Variants in ZRANB1 observed in about 807,000 individuals in gnomAD.
The protein encoded by ZRANB1 is zinc finger RANBP2-type containing 1, also known as ubiquitin thioesterase ZRANB1.
In ZRANB1, 16 loss-of-function variants were observed where a neutral mutation model predicts 80.5. The observed-to-expected ratio is 0.20, with a 90% confidence interval of 0.13 to 0.30. ZRANB1 has a LOEUF of 0.30. Among genes scored for constraint, ZRANB1 ranks in the 10% least tolerant of loss-of-function variants. The pLI is 1.00. For synonymous variants in ZRANB1, 291 were observed against 293.1 expected, an observed-to-expected ratio of 0.99 and a Z score of 0.07; for missense variants, 576 against 862.6, an observed-to-expected ratio of 0.67 and a Z score of 4.16.
intron 1 of ZRANB1, among the ~76,000 whole-genome samples, chr10:124,949,371 A>T (rs942599174): frequency 1.3e-5 from 2 of 150,770 alleles, no homozygotes; most frequent in Non-Finnish European, 2.9e-5. Flanking sequence ...GGGGGAAAAA[A>T]ATCAAACTTA....
Position 124,986,986 on chromosome 10 carries a change from A to AATC in ZRANB1, c.*1996_*1998dup, listed in dbSNP as rs1469339312. 2 of 150,308 alleles carry AATC rather than the reference A, an allele frequency of 1.3e-5. No individual in the cohort carries two copies. Among genetic ancestry groups the AATC allele is most frequent in the African/African-American group, 5.1e-5 (2 of 39,368 alleles). The allele number at this position is 150,308 out of a possible 1,614,324, so 9.3% of individuals were successfully genotyped here. On this transcript the variant is annotated 3_prime_UTR_variant, in exon 9 of 9. Coordinates refer to ENST00000359653, the MANE Select transcript of ZRANB1 (RefSeq NM_017580.3). ...CTCTATTATTTATTTATTTATTATCAATCAGTGACCCTGACCACATAGTGT... is the reference window on the plus strand; with the variant it reads ...CTCTATTATTTATTTATTTATTATCAATCATCAGTGACCCTGACCACATAGTGT...
the ZRANB1 span, among the ~76,000 whole-genome samples, chr10:124,917,581 A>G: frequency 6.6e-6 from 1 of 151,902 alleles, no homozygotes; most frequent in African/African-American, 2.4e-5. Context: ...TTTCCCCACA[A>G]CTTCTTTTCC....
the ZRANB1 span, among the ~76,000 whole-genome samples, chr10:124,929,629 C>T: frequency 5.3e-5 from 8 of 151,534 alleles, no homozygotes; most frequent in East Asian, 8.0e-4. Context: ...TGAGCCACCG[C>T]GCCTGGCCAA....
rs558360621 is a variant in ZRANB1, at chr10:124,985,952, G to C, written c.*960G>C. Reference sequence around the variant, plus strand: ...TGTTAGAAGGGCATGCCTTTGCTTAGGCAGATTGGGAATACCAATTCACTA... The same window carrying C: ...TGTTAGAAGGGCATGCCTTTGCTTACGCAGATTGGGAATACCAATTCACTA... On this transcript the variant is annotated 3_prime_UTR_variant, in exon 9 of 9. Transcript: ENST00000359653. The C allele has an allele frequency of 6.6e-6, 1 of 152,334 alleles. No individual in the cohort carries two copies. The highest frequency in any genetic ancestry group is 2.4e-5 in the African/African-American group (1 of 41,576). 9.4% of individuals were successfully genotyped at this position (152,334 alleles called of 1,614,324 possible).
intron 2 of ZRANB1, among the ~76,000 whole-genome samples, chr10:124,970,833 G>GTTTTTTTTTTTTTTTTTTTTTTTTTTTT (rs34391929): frequency 1.2e-5 from 1 of 85,380 alleles, no homozygotes; most frequent in Non-Finnish European, 2.1e-5. Flanking sequence ...TCTCTTTGGG[G>GTTTTTTTTTTTTTTTTTTTTTTTTTTTT]TTTTTTTTTT....
At chr10:124,967,209 T>TA (rs1235695663) in intron 2 of ZRANB1, among the ~76,000 whole-genome samples, 1 of 152,206 alleles carries the variant, frequency 6.6e-6, no homozygotes, top group Admixed American at 6.5e-5. Flanking sequence ...ATGCCAAGTG[T>TA]TATGCCAGTA....
chr10:124,940,063 C>CT (rs1471406648), upstream of ZRANB1, among the ~76,000 whole-genome samples: 1 of 151,932 alleles, frequency 6.6e-6, no homozygotes, highest in Non-Finnish European at 1.5e-5. Flanking sequence ...CATCTTTTCC[C>CT]TTTTAGTAAT....
At chr10:124,963,530 T>C (rs982520989) in intron 1 of ZRANB1, among the ~76,000 whole-genome samples, 3 of 149,840 alleles carry the variant, frequency 2.0e-5, no homozygotes, top group African/African-American at 7.3e-5. Context: ...AACTCAGATA[T>C]TGTAAGGTTT....
intron 1 of ZRANB1, among the ~76,000 whole-genome samples, chr10:124,949,492 C>T (rs974735991): frequency 3.0e-5 from 4 of 133,652 alleles, no homozygotes; most frequent in South Asian, 2.2e-4. Flanking sequence ...TATATATTCA[C>T]GTATACACAC....
chr10:124,942,839 C>T lies in ZRANB1; in HGVS notation c.346C>T (p.Pro116Ser), dbSNP rs1318861045. ...CTTATCCCAACGTAGGACCAGGAGT[C>T]CTACAGAATCTCCTCAGTCCTCAGG... Reference protein sequence around the residue: ...QCLSQRRTRSPTESPQSSGSG... With the variant: ...QCLSQRRTRSSTESPQSSGSG... Residue 116 changes from proline to serine, a missense_variant, in exon 1 of 9, where the codon CCT (proline) becomes TCT (serine). Physicochemically the swap from Pro to Ser is moderately conservative, Grantham distance 74. This residue lies in a region of ZRANB1 where 411 missense variants were observed against 583.1 expected (regional missense o/e 0.70). Transcript: ENST00000359653. 6 of 1,614,074 alleles carry T rather than the reference C, an allele frequency of 3.7e-6. No homozygotes were observed. The highest frequency in any genetic ancestry group is 5.1e-6 in the Non-Finnish European group (6 of 1,180,052).
the ZRANB1 span, among the ~76,000 whole-genome samples, chr10:124,919,592 T>C: frequency 4.0e-5 from 6 of 151,534 alleles, no homozygotes; most frequent in Non-Finnish European, 8.8e-5. Flanking sequence ...TCAGGTTTTT[T>C]TTTTTTTCCT....
rs547451690 is a variant in ZRANB1, at chr10:124,986,312, C to A, written c.*1320C>A. 5.4e-5 allele frequency: 7 copies of A among 130,786 alleles called. No homozygotes were observed. The highest frequency in any genetic ancestry group is 3.8e-5 in the Non-Finnish European group (2 of 53,146). 8.1% of individuals were successfully genotyped at this position (130,786 alleles called of 1,614,324 possible). ...GCGCGCACACACACACACACACACACACACACACACAGTTTTTTCCTTCCC... is the reference window on the plus strand; with the variant it reads ...GCGCGCACACACACACACACACACAAACACACACACAGTTTTTTCCTTCCC... On this transcript the variant is annotated 3_prime_UTR_variant, in exon 9 of 9. Coordinates refer to ENST00000359653, the MANE Select transcript of ZRANB1 (RefSeq NM_017580.3).
chr10:124,963,768 CA>C (rs1951756292), intron 1 of ZRANB1, among the ~76,000 whole-genome samples: 1 of 151,788 alleles, frequency 6.6e-6, no homozygotes, highest in Non-Finnish European at 1.5e-5. Flanking sequence ...AAAGACGTAG[CA>C]AAAATTGGGA....
At chr10:124,961,496 C>T (rs7077936) in intron 1 of ZRANB1, among the ~76,000 whole-genome samples, 25,250 of 152,140 alleles carry the variant, frequency 0.17, 2,203 homozygotes, top group African/African-American at 0.23. Context: ...TTGCTTTCAG[C>T]AGCAATTCTT....
intron 3 of ZRANB1, 34 bp downstream of exon 3, chr10:124,972,152 T>A (rs1163064574): frequency 1.3e-6 from 2 of 1,595,332 alleles, no homozygotes; most frequent in African/African-American, 2.7e-5. Context: ...AAGACTTTTT[T>A]ATTTTATTAT....
rs780704731 is a variant in ZRANB1 at position 124,974,273 on chromosome 10, A to G, written c.1302A>G (p.Ala434=). The change falls in exon 5 of 9, where the codon GCA becomes GCG. Residue 434 remains alanine (A), a synonymous_variant. Transcript: ENST00000359653. The stretch of plus-strand genomic sequence containing the variant: ...CACGTTTGGACAGTCGACTGTATGC[A>G]CTTTGGAACCGGACTGCAGGAGACT... ...LATRLDSRLY[A]LWNRTAGDCL... is the part of the protein sequence containing the mutation. The G allele has an allele frequency of 1.1e-5, 18 of 1,614,142 alleles. No individual in the cohort carries two copies. The African/African-American group carries it at 2.3e-4, about 20-fold the overall frequency.
At chr10:124,922,256 GTAAAATATATAT>G in the ZRANB1 span, among the ~76,000 whole-genome samples, 1 of 110,500 alleles carries the variant, frequency 9.0e-6, no homozygotes, top group African/African-American at 4.1e-5. Context: ...ATATATATAT[GTAAAATATATAT>G]ATATATATGT....
chr10:124,984,697 A>G, intron 8 of ZRANB1, 77 bp from the exon 9 acceptor site: 1 of 1,439,426 alleles, frequency 6.9e-7, no homozygotes, highest in Admixed American at 1.9e-5. Context: ...TACCAGCTGT[A>G]GGTTTCCATG....
chr10:124,965,781 G>A (rs1326941390), intron 1 of ZRANB1, among the ~76,000 whole-genome samples: 1 of 152,182 alleles, frequency 6.6e-6, no homozygotes, highest in African/African-American at 2.4e-5. Flanking sequence ...TGCCCAGGCT[G>A]ATACCCATAC....
Sources: gnomAD v4.1 joint callset for allele counts (sites outside exome capture counted in the v4.1 genomes callset) on GRCh38, gnomAD v4.1.1 for gene constraint, gnomAD v4.1.1 regional missense constraint, MANE v1.5 for transcripts, NCBI Gene and HGNC (gene_info 2026-07-23, HGNC 2026-07-21) for gene names.